Variants in MDGA2 observed in about 807,000 individuals in gnomAD.
MDGA2 encodes MAM domain containing glycosylphosphatidylinositol anchor 2.
MDGA2 carries 40 observed loss-of-function variants against 117.8 expected under a neutral mutation model. The observed-to-expected ratio is 0.34, with a 90% confidence interval of 0.26 to 0.44. The LOEUF is 0.44. Among genes scored for constraint, MDGA2 ranks in the 20% least tolerant of loss-of-function variants. MDGA2 has a pLI of 1.00. For missense variants in MDGA2, 1,123 were observed against 1,250.6 expected (o/e 0.90, Z 1.54); for synonymous variants, 452 against 439.0 (o/e 1.03, Z -0.37).
At position 47,021,772 on chromosome 14, in the gene MDGA2, G is replaced by C. The variant is rs140419863; in HGVS notation, c.1819+13239C>G. Among the ~76,000 whole-genome samples the C allele has an allele frequency of 1.0e-3, 154 of 152,128 alleles. 1 individual carries two copies. The highest frequency in any genetic ancestry group is 3.5e-3 in the African/African-American group (146 of 41,510). On this transcript the variant is annotated intron_variant, in intron 8 of 16. Coordinates refer to ENST00000399232, the MANE Select transcript of MDGA2 (RefSeq NM_001113498.3). ...GACCATCATACTAAGCCCTTTATTT[G>C]CATAGAAAATTTGATGGTAGAAACA... is the stretch of plus-strand genomic sequence containing the variant.
At position 47,545,529 on chromosome 14, in the gene MDGA2, G is replaced by A. The variant is rs142535930; in HGVS notation, c.280+128988C>T. ...ATTATAAAGAAGAATGAAAGCTATA[G>A]ATTAAAGGTCTGCACATACCAAAAG... On this transcript the variant is annotated intron_variant, in intron 1 of 16. Transcript: ENST00000399232. Among the ~76,000 whole-genome samples the A allele has an allele frequency of 4.5e-3, 682 of 152,246 alleles. 2 individuals carry two copies. Among genetic ancestry groups the A allele is most frequent in the African/African-American group, 0.015 (644 of 41,556 alleles).
intron 1 of MDGA2, among the ~76,000 whole-genome samples, chr14:47,656,544 A>G (rs1897747628): frequency 6.6e-6 from 1 of 152,194 alleles, no homozygotes; most frequent in Non-Finnish European, 1.5e-5. Context: ...AAAAATAAAC[A>G]TAGTCTTATT....
intron 1 of MDGA2, among the ~76,000 whole-genome samples, chr14:47,601,971 G>A (rs1270336758): frequency 6.6e-6 from 1 of 152,156 alleles, no homozygotes; most frequent in Non-Finnish European, 1.5e-5. Context: ...GAGTCGCTAT[G>A]CACTGTTTTA....
intron 7 of MDGA2, among the ~76,000 whole-genome samples, chr14:47,046,127 C>T (rs1042216000): frequency 1.3e-5 from 2 of 150,820 alleles, no homozygotes; most frequent in African/African-American, 4.9e-5. Context: ...ACATTGTGCA[C>T]ATGTACCCTA....
chr14:47,208,236 T>C (rs1380621434), intron 3 of MDGA2, among the ~76,000 whole-genome samples: 1 of 152,076 alleles, frequency 6.6e-6, no homozygotes. Context: ...ACTCACGGTA[T>C]AGACCAAACA....
At chr14:47,325,958 T>A (rs4900738) in intron 1 of MDGA2, among the ~76,000 whole-genome samples, 146,726 of 152,228 alleles carry the variant, frequency 0.96, 70,965 homozygotes, top group East Asian at 1. Flanking sequence ...AGACAGTTAT[T>A]GCGGAAGATG....
chr14:47,236,299 A>AAAC (rs1886860296), intron 2 of MDGA2, among the ~76,000 whole-genome samples: 1 of 151,160 alleles, frequency 6.6e-6, no homozygotes, highest in African/African-American at 2.4e-5. Context: ...TCAAAAAAAA[A>AAAC]AAAAAAAAAA....
intron 8 of MDGA2, among the ~76,000 whole-genome samples, chr14:46,975,567 A>G (rs1210825301): frequency 6.6e-6 from 1 of 152,156 alleles, no homozygotes; most frequent in Non-Finnish European, 1.5e-5. Context: ...TGAGGACATT[A>G]TGCTAGGTGA....
chr14:47,305,888 G>T (rs1245484247), intron 1 of MDGA2, among the ~76,000 whole-genome samples: 1 of 152,206 alleles, frequency 6.6e-6, no homozygotes, highest in Admixed American at 6.5e-5. Flanking sequence ...GTTTCGCAAA[G>T]TCAGTGACAT....
intron 1 of MDGA2, among the ~76,000 whole-genome samples, chr14:47,364,537 T>A (rs2138377599): frequency 6.6e-6 from 1 of 152,332 alleles, no homozygotes; most frequent in Non-Finnish European, 1.5e-5. Flanking sequence ...GTGCTGGGAT[T>A]ACAGGCGTGA....
chr14:47,301,876 T>C (rs1214636928), intron 1 of MDGA2, among the ~76,000 whole-genome samples: 1 of 152,100 alleles, frequency 6.6e-6, no homozygotes, highest in Non-Finnish European at 1.5e-5. Context: ...AATTTTAACA[T>C]AGTAAGGAAT....
intron 1 of MDGA2, among the ~76,000 whole-genome samples, chr14:47,428,154 C>A (rs1264833452): frequency 7.2e-5 from 11 of 151,960 alleles, no homozygotes; most frequent in Admixed American, 2.6e-4. Context: ...TGATACAGAA[C>A]TAGAAAACAG....
chr14:47,536,543 C>G (rs1895214813), intron 1 of MDGA2, among the ~76,000 whole-genome samples: 1 of 152,158 alleles, frequency 6.6e-6, no homozygotes, highest in South Asian at 2.1e-4. Flanking sequence ...GTTAATCACA[C>G]CAATCAACCA....
intron 3 of MDGA2, among the ~76,000 whole-genome samples, chr14:47,212,514 C>A (rs928140856): frequency 1.3e-5 from 2 of 152,108 alleles, no homozygotes; most frequent in African/African-American, 2.4e-5. Context: ...CCAGAGGCAA[C>A]CTTTTCTAAT....
intron 8 of MDGA2, among the ~76,000 whole-genome samples, chr14:46,988,210 C>T (rs1466183246): frequency 6.6e-6 from 1 of 151,288 alleles, no homozygotes; most frequent in African/African-American, 2.4e-5. Flanking sequence ...GAGAATCATG[C>T]TGATTATTCC....
intron 8 of MDGA2, among the ~76,000 whole-genome samples, chr14:47,003,291 C>T (rs1364680020): frequency 6.6e-6 from 1 of 151,768 alleles, no homozygotes; most frequent in East Asian, 1.9e-4. Flanking sequence ...GTTAAGTAGA[C>T]TTATGGCTTC....
At chr14:47,228,586 C>T (rs927807354) in intron 2 of MDGA2, among the ~76,000 whole-genome samples, 5 of 152,022 alleles carry the variant, frequency 3.3e-5, no homozygotes, top group Non-Finnish European at 5.9e-5. Context: ...AGCTAAGCTA[C>T]GATGTTCAGT....
At chr14:47,001,169 G>T (rs138744363) in intron 8 of MDGA2, among the ~76,000 whole-genome samples, 1 of 151,912 alleles carries the variant, frequency 6.6e-6, no homozygotes, top group Non-Finnish European at 1.5e-5. Flanking sequence ...CATTTATGCA[G>T]CCAGGTTAGG....
At chr14:47,368,622 A>G (rs1891281269) in intron 1 of MDGA2, among the ~76,000 whole-genome samples, 1 of 152,204 alleles carries the variant, frequency 6.6e-6, no homozygotes, top group African/African-American at 2.4e-5. Flanking sequence ...TGTAAGATAT[A>G]TAACTCCATT....
Sources: allele counts gnomAD v4.1 joint callset (sites outside exome capture counted in the v4.1 genomes callset), GRCh38; gene constraint gnomAD v4.1.1; transcripts MANE v1.5; gene names NCBI Gene and HGNC (gene_info 2026-07-23, HGNC 2026-07-21).